The following GRIN2B variants were observed in gnomAD, a reference collection of about 807,000 sequenced individuals.
GRIN2B encodes glutamate receptor ionotropic, NMDA 2B.
In GRIN2B, 5 loss-of-function variants were observed where a neutral mutation model predicts 114.5. That is an observed-to-expected ratio of 0.04 (90% CI 0.02 to 0.09). The LOEUF (loss-of-function observed/expected upper bound fraction) is 0.09, where lower values mean the gene tolerates loss of function less well. GRIN2B is among the 10% of genes least tolerant of loss of function. The probability of loss-of-function intolerance (pLI) is 1.00; values close to 1 mark genes in which losing one functional copy is unlikely to be tolerated. For synonymous variants in GRIN2B, 787 were observed against 745.1 expected (o/e 1.06, Z -0.92); for missense variants, 1,108 against 1,943.5 (o/e 0.57, Z 8.08).
chr12:13,807,687 C>A (rs1269046437), intron 3 of GRIN2B, among the ~76,000 whole-genome samples: 7 of 145,282 alleles, frequency 4.8e-5, no homozygotes, highest in Non-Finnish European at 7.5e-5. Context: ...ATATTACAAG[C>A]AGACGTTTAT....
rs1175480349 is a variant in GRIN2B, at chr12:13,545,107, GT to G, written c.*17675del. ...CATTGGCCTCCCGGCTCTTCCTCAA[GT>G]TTGCCAAGCATTTGGTTTGACAGCA... On this transcript the variant is annotated 3_prime_UTR_variant, in exon 14 of 14. Coordinates refer to ENST00000609686, the MANE Select transcript of GRIN2B (RefSeq NM_000834.5). 1 of 152,190 alleles carries G rather than the reference GT, an allele frequency of 6.6e-6. No homozygotes were observed. Among genetic ancestry groups the G allele is most frequent in the Non-Finnish European group, 1.5e-5 (1 of 68,096 alleles). The allele number at this position is 152,190 out of a possible 1,614,324, so 9.4% of individuals were successfully genotyped here. A position where few individuals can be genotyped will look rare whatever the true frequency, so the allele number is the denominator to read the frequency against.
intron 2 of GRIN2B, among the ~76,000 whole-genome samples, chr12:13,976,773 T>C (rs957319901): frequency 6.6e-6 from 1 of 151,822 alleles, no homozygotes; most frequent in African/African-American, 2.4e-5. Context: ...TAAACAAGAA[T>C]ATAGAAAAAA....
intron 2 of GRIN2B, among the ~76,000 whole-genome samples, chr12:13,955,513 AACTTT>A (rs1297155643): frequency 1.3e-5 from 2 of 152,136 alleles, no homozygotes; most frequent in East Asian, 3.9e-4. Context: ...TCAAATTCAA[AACTTT>A]ACTTCGATGA....
intron 2 of GRIN2B, among the ~76,000 whole-genome samples, chr12:13,935,031 G>C (rs1257091281): frequency 6.6e-6 from 1 of 152,046 alleles, no homozygotes; most frequent in Non-Finnish European, 1.5e-5. Flanking sequence ...TCTAAAAGAA[G>C]ACCCAAGTTT....
intron 2 of GRIN2B, among the ~76,000 whole-genome samples, chr12:13,952,454 T>C (rs1283757286): frequency 2.0e-5 from 3 of 152,218 alleles, no homozygotes; most frequent in Admixed American, 6.5e-5. Flanking sequence ...AGCCTAATAC[T>C]GCTTCAGGAA....
At chr12:13,878,063 C>CAAAAAA (rs71067735) in intron 2 of GRIN2B, among the ~76,000 whole-genome samples, 5 of 73,234 alleles carry the variant, frequency 6.8e-5, no homozygotes, top group Non-Finnish European at 1.3e-4. Context: ...GACTCTGTCT[C>CAAAAAA]AAAAAAAAAA....
chr12:13,782,819 T>C (rs953043056), intron 3 of GRIN2B, among the ~76,000 whole-genome samples: 1 of 152,138 alleles, frequency 6.6e-6, no homozygotes, highest in Admixed American at 6.5e-5. Context: ...GCACCAAAGG[T>C]CAAAGCTGCA....
chr12:13,759,252 G>A lies in GRIN2B; in HGVS notation c.412-5337C>T, dbSNP rs532329284. ...TCTCCATCTCCTGACATGGTGACCC[G>A]CCCACCTCAGCCTCCCAAAGTGCTG... On this transcript the variant is annotated intron_variant, in intron 3 of 13. Transcript: ENST00000609686. Among the ~76,000 whole-genome samples the A allele has an allele frequency of 5.7e-4, 87 of 151,690 alleles. 1 individual carries two copies. Among genetic ancestry groups the A allele is most frequent in the African/African-American group, 2.0e-3 (84 of 41,350 alleles).
At chr12:13,625,384 G>A (rs940650454) in intron 5 of GRIN2B, among the ~76,000 whole-genome samples, 4 of 152,162 alleles carry the variant, frequency 2.6e-5, no homozygotes, top group Non-Finnish European at 5.9e-5. Context: ...GGCAAGTGGC[G>A]ACCGAAGTTC....
chr12:13,758,731 T>C (rs78495744), intron 3 of GRIN2B, among the ~76,000 whole-genome samples: 4,494 of 152,312 alleles, frequency 0.03, 106 homozygotes, highest in Middle Eastern at 0.048. Flanking sequence ...CTTTTCTAAC[T>C]TTCCCTGGTC....
At chr12:13,798,911 C>G (rs994828304) in intron 3 of GRIN2B, among the ~76,000 whole-genome samples, 8 of 152,214 alleles carry the variant, frequency 5.3e-5, no homozygotes, top group Admixed American at 5.2e-4. Flanking sequence ...CCCTGTTGCT[C>G]TTTTCTTCCA....
At chr12:13,723,849 T>A (rs1334726081) in intron 4 of GRIN2B, among the ~76,000 whole-genome samples, 1 of 142,448 alleles carries the variant, frequency 7.0e-6, no homozygotes. Flanking sequence ...GAACTGACTA[T>A]CAACTCAGGA....
At chr12:13,571,683 T>C (rs1948710694) in intron 11 of GRIN2B, 121 bp downstream of exon 11, 1 of 1,041,458 alleles carries the variant, frequency 9.6e-7, no homozygotes, top group African/African-American at 1.6e-5. Context: ...AAAGAGCAAA[T>C]GAAGTCTTCT....
intron 2 of GRIN2B, among the ~76,000 whole-genome samples, chr12:13,939,785 G>T (rs1387501531): frequency 6.6e-6 from 1 of 151,920 alleles, no homozygotes; most frequent in Non-Finnish European, 1.5e-5. Context: ...TTCTTGTACA[G>T]CCTGCAGAAC....
intron 2 of GRIN2B, among the ~76,000 whole-genome samples, chr12:13,951,428 C>A (rs1867477290): frequency 6.6e-6 from 1 of 152,102 alleles, no homozygotes; most frequent in Non-Finnish European, 1.5e-5. Flanking sequence ...AACGTAAAAA[C>A]CATTTAGCCT....
At chr12:13,950,562 T>C (rs1867461633) in intron 2 of GRIN2B, among the ~76,000 whole-genome samples, 1 of 152,230 alleles carries the variant, frequency 6.6e-6, no homozygotes, top group Non-Finnish European at 1.5e-5. Context: ...TTCTTGCTAT[T>C]ATTGTTTCTT....
chr12:13,902,277 T>A (rs1866464771), intron 2 of GRIN2B, among the ~76,000 whole-genome samples: 1 of 152,152 alleles, frequency 6.6e-6, no homozygotes, highest in Non-Finnish European at 1.5e-5. Context: ...TGAAAAAAAA[T>A]CTGCCGCATA....
intron 3 of GRIN2B, among the ~76,000 whole-genome samples, chr12:13,813,811 T>C (rs1415495947): frequency 6.6e-6 from 1 of 152,246 alleles, no homozygotes; most frequent in Non-Finnish European, 1.5e-5. Flanking sequence ...GTGTGTCCAA[T>C]CTCACAAAAC....
intron 10 of GRIN2B, among the ~76,000 whole-genome samples, chr12:13,606,045 T>C (rs971365837): frequency 2.0e-5 from 3 of 152,124 alleles, no homozygotes; most frequent in Non-Finnish European, 2.9e-5. Context: ...GTGTGGTACA[T>C]AGTCTACTAC....
Sources: allele counts gnomAD v4.1 joint callset (sites outside exome capture counted in the v4.1 genomes callset), GRCh38; gene constraint gnomAD v4.1.1; transcripts MANE v1.5; gene names NCBI Gene and HGNC (gene_info 2026-07-23, HGNC 2026-07-21).